ATP6V1C2: variants seen among roughly 807,000 people sequenced by gnomAD.
The protein encoded by ATP6V1C2 is V-type proton ATPase subunit C 2.
ATP6V1C2 carries 45 observed loss-of-function variants against 56.8 expected under a neutral mutation model. The ratio of observed to expected loss-of-function variants is 0.79; its 90% CI spans 0.62 to 1.02. The LOEUF (loss-of-function observed/expected upper bound fraction) is 1.02, where lower values mean the gene tolerates loss of function less well. ATP6V1C2 is among the 50% of genes least tolerant of loss of function. ATP6V1C2 has a pLI of 0.00. For missense variants in ATP6V1C2, 463 were observed against 519.7 expected (o/e 0.89, Z 1.06); for synonymous variants, 220 against 201.3 (o/e 1.09, Z -0.79).
At chr2:10,726,594 T>C (rs575889877) in intron 3 of ATP6V1C2, 25 bp downstream of exon 3, 29 of 1,584,366 alleles carry the variant, frequency 1.8e-5, no homozygotes, top group Non-Finnish European at 2.4e-5. Context: ...ATTTACTACA[T>C]ACAAGTGAGA....
intron 3 of ATP6V1C2, among the ~76,000 whole-genome samples, chr2:10,751,989 G>T (rs141257959): frequency 1.8e-4 from 27 of 151,888 alleles, no homozygotes; most frequent in Middle Eastern, 6.8e-3. Flanking sequence ...AGTCTGGGAG[G>T]TCAAGGCTGC....
intron 4 of ATP6V1C2, 99 bp downstream of exon 4, chr2:10,754,165 C>T (rs930623561): frequency 2.0e-6 from 2 of 978,076 alleles, no homozygotes; most frequent in African/African-American, 3.3e-5. Flanking sequence ...CGAGATGGCC[C>T]AGGTCTCAGT....
chr2:10,776,237 C>A (rs1169231084), intron 10 of ATP6V1C2, among the ~76,000 whole-genome samples: 1 of 151,860 alleles, frequency 6.6e-6, no homozygotes, highest in Non-Finnish European at 1.5e-5. Flanking sequence ...TCACCCTCCT[C>A]CTCCGAAATA....
At chr2:10,754,269 C>T (rs1280209623) in intron 4 of ATP6V1C2, among the ~76,000 whole-genome samples, 1 of 152,096 alleles carries the variant, frequency 6.6e-6, no homozygotes, top group African/African-American at 2.4e-5. Flanking sequence ...CCCTCTGTTG[C>T]CCACGCTGGA....
intron 3 of ATP6V1C2, among the ~76,000 whole-genome samples, chr2:10,731,641 CAGA>C (rs763654964): frequency 3.3e-5 from 5 of 152,188 alleles, no homozygotes; most frequent in Non-Finnish European, 5.9e-5. Context: ...TGACAAACCG[CAGA>C]AGGAGACTGG....
chr2:10,731,895 C>T (rs916257092), intron 3 of ATP6V1C2, among the ~76,000 whole-genome samples: 1 of 151,994 alleles, frequency 6.6e-6, no homozygotes, highest in African/African-American at 2.4e-5. Context: ...ATTGCTTGAG[C>T]CCAGGAGGTC....
chr2:10,758,803 TA>T (rs1663709831), intron 4 of ATP6V1C2, among the ~76,000 whole-genome samples: 1 of 152,008 alleles, frequency 6.6e-6, no homozygotes, highest in South Asian at 2.1e-4. Context: ...GCTGGGACTG[TA>T]GTCCCAGGCG....
intron 5 of ATP6V1C2, among the ~76,000 whole-genome samples, chr2:10,765,184 C>T (rs1461401080): frequency 6.6e-6 from 1 of 152,168 alleles, no homozygotes; most frequent in Non-Finnish European, 1.5e-5. Flanking sequence ...AGTGTCCTGA[C>T]AGTCCTCTGT....
At chr2:10,731,570 G>A (rs537551477) in intron 3 of ATP6V1C2, among the ~76,000 whole-genome samples, 1 of 152,312 alleles carries the variant, frequency 6.6e-6, no homozygotes, top group Non-Finnish European at 1.5e-5. Context: ...TGTAACAGAT[G>A]CCATTGAGAA....
chr2:10,747,026 T>C (rs965498459), intron 3 of ATP6V1C2, among the ~76,000 whole-genome samples: 4 of 152,226 alleles, frequency 2.6e-5, no homozygotes, highest in Non-Finnish European at 5.9e-5. Context: ...CCCAGCGCTT[T>C]GGGAGGCCAG....
rs1248104896 is a variant in ATP6V1C2 at position 10,745,162 on chromosome 2, G to A, written c.198-8819G>A. ...GGGTTCAAGCAATTCTCCTGCCTCA[G>A]CCTCCCGAGTATCTGGATGCCTGCC... On this transcript the variant is annotated intron_variant, in intron 3 of 13. Transcript: ENST00000272238. Among the ~76,000 whole-genome samples the A allele has an allele frequency of 4.3e-5, 6 of 140,470 alleles. No individual in the cohort carries two copies. The Admixed American group carries it at 4.5e-4, about 11-fold the overall frequency. 92.2% of individuals were successfully genotyped at this position (140,470 alleles called of 152,430 possible).
chr2:10,760,933 C>T (rs749384482), intron 4 of ATP6V1C2, among the ~76,000 whole-genome samples: 5 of 151,976 alleles, frequency 3.3e-5, no homozygotes, highest in African/African-American at 4.8e-5. Flanking sequence ...TCATGGTTGC[C>T]GGCGGGGGTC....
At chr2:10,779,008 C>G (rs1295109597) in intron 12 of ATP6V1C2, among the ~76,000 whole-genome samples, 1 of 152,184 alleles carries the variant, frequency 6.6e-6, no homozygotes, top group East Asian at 1.9e-4. Flanking sequence ...GGAAGGCGCT[C>G]TCGGGCTGCC....
intron 3 of ATP6V1C2, chr2:10,744,142 T>G (rs537261108): frequency 6.6e-6 from 1 of 152,122 alleles, no homozygotes; most frequent in Non-Finnish European, 1.5e-5. Flanking sequence ...TGTAACGCCA[T>G]TGCACTGCAG....
rs1572610859 is a variant in ATP6V1C2, at chr2:10,774,880, A to AGT, written c.731+1_731+2dup. 1 of 1,614,160 alleles carries AGT rather than the reference A, an allele frequency of 6.2e-7. No homozygotes were observed. Among genetic ancestry groups the AGT allele is most frequent in the East Asian group, 2.2e-5 (1 of 44,878 alleles). ...TTCAAAACCAAGGCCAAAGAAAACA[A>AGT]GTAAGGGTCCTCCAGGTTTGGTTCA... On this transcript the variant is annotated frameshift_variant and splice_region_variant. Coordinates refer to ENST00000272238, the MANE Select transcript of ATP6V1C2 (RefSeq NM_001039362.2). LOFTEE classifies it high-confidence loss of function.
intron 5 of ATP6V1C2, among the ~76,000 whole-genome samples, chr2:10,765,239 C>CGAG (rs1167796445): frequency 9.2e-5 from 14 of 152,188 alleles, no homozygotes; most frequent in Admixed American, 7.2e-4. Flanking sequence ...AATGAACACC[C>CGAG]TGTGACTCGA....
chr2:10,765,363 C>T (rs920899695), intron 5 of ATP6V1C2, among the ~76,000 whole-genome samples: 1 of 152,228 alleles, frequency 6.6e-6, no homozygotes, highest in African/African-American at 2.4e-5. Flanking sequence ...TGGCCTGGCC[C>T]TCCCTTCTGC....
chr2:10,784,501 C>T lies in ATP6V1C2; in HGVS notation c.*1238C>T. 5.4e-6 allele frequency: 3 copies of T among 557,390 alleles called. No homozygotes were observed. The East Asian group carries it at 8.8e-5, about 16-fold the overall frequency. The allele number at this position is 557,390 out of a possible 1,614,324, so 34.5% of individuals were successfully genotyped here. On this transcript the variant is annotated 3_prime_UTR_variant, in exon 14 of 14. Transcript: ENST00000272238. The stretch of plus-strand genomic sequence containing the variant: ...CTATGATTATACGGATGGAAAAGCT[C>T]AGAACTCAGGTGAAACATTTCAACA...
intron 4 of ATP6V1C2, among the ~76,000 whole-genome samples, chr2:10,762,163 T>TG (rs1043110638): frequency 3.3e-5 from 5 of 151,114 alleles, no homozygotes; most frequent in African/African-American, 1.2e-4. Flanking sequence ...TTTTTTTTTT[T>TG]GAGATGGAGT....
Sources: allele counts gnomAD v4.1 joint callset (sites outside exome capture counted in the v4.1 genomes callset), GRCh38; gene constraint gnomAD v4.1.1; transcripts MANE v1.5; gene names NCBI Gene and HGNC (gene_info 2026-07-23, HGNC 2026-07-21).